Variants in FARP2 observed in about 807,000 individuals in gnomAD.
The protein encoded by FARP2 is FERM, ARHGEF and pleckstrin domain-containing protein 2.
In FARP2, 111 loss-of-function variants were observed where a neutral mutation model predicts 130.5. That is an observed-to-expected ratio of 0.85 (90% CI 0.73 to 1.00). The LOEUF is 1.00. FARP2 is among the 50% of genes least tolerant of loss of function. The pLI, the probability that FARP2 is intolerant of heterozygous loss-of-function variation, is 0.00. For missense variants in FARP2, 1,385 were observed against 1,346.3 expected (o/e 1.03, Z -0.45); for synonymous variants, 504 against 516.9 (o/e 0.98, Z 0.34).
At chr2:241,471,795 G>A (rs4378801) in intron 18 of FARP2, among the ~76,000 whole-genome samples, 5,082 of 151,944 alleles carry the variant, frequency 0.033, 500 homozygotes, top group Admixed American at 0.19. Flanking sequence ...GCGCCCAGCC[G>A]GGGTTGCTGT....
At chr2:241,485,384 T>G (rs1238166197) in intron 21 of FARP2, among the ~76,000 whole-genome samples, 2 of 150,896 alleles carry the variant, frequency 1.3e-5, no homozygotes, top group Non-Finnish European at 3.0e-5. Context: ...TCTGGCATCT[T>G]CCCTCCCTGT....
intron 2 of FARP2, among the ~76,000 whole-genome samples, chr2:241,392,552 A>G (rs1015245664): frequency 1.3e-5 from 2 of 152,172 alleles, no homozygotes; most frequent in African/African-American, 4.8e-5. Flanking sequence ...CATGGTAGAG[A>G]TGATTTATCT....
At chr2:241,380,387 G>A (rs2061633684) in intron 2 of FARP2, among the ~76,000 whole-genome samples, 1 of 152,118 alleles carries the variant, frequency 6.6e-6, no homozygotes, top group Non-Finnish European at 1.5e-5. Context: ...TCGTGCCCAT[G>A]TAACTCCCCC....
chr2:241,480,557 T>C (rs1159431590), intron 19 of FARP2, among the ~76,000 whole-genome samples: 2 of 152,012 alleles, frequency 1.3e-5, no homozygotes, highest in African/African-American at 4.8e-5. Context: ...TTTAAAGATA[T>C]TAAGACAATT....
At chr2:241,396,267 G>A (rs1456831753) in intron 2 of FARP2, among the ~76,000 whole-genome samples, 1 of 152,146 alleles carries the variant, frequency 6.6e-6, no homozygotes, top group Admixed American at 6.6e-5. Context: ...TCAGGACATA[G>A]GCATGGGCAA....
At position 241,411,056 on chromosome 2, in the gene FARP2, A is replaced by T; in HGVS notation, c.434A>T (p.Lys145Met). 1 of 1,611,370 alleles carries T rather than the reference A, an allele frequency of 6.2e-7. No homozygotes were observed. ...YTRYLFALQL[K>M]RDLLEERLTC... ...AGATACTTGTTTGCCTTGCAACTTA[A>T]GAGAGACCTGCTGGAAGAGCGTTTG... Residue 145 changes from lysine to methionine, a missense_variant, in exon 6 of 27, where the codon AAG (lysine) becomes ATG (methionine). Coordinates refer to ENST00000264042, the MANE Select transcript of FARP2 (RefSeq NM_014808.4).
At chr2:241,362,845 A>C (rs866577365) in intron 1 of FARP2, among the ~76,000 whole-genome samples, 1 of 152,138 alleles carries the variant, frequency 6.6e-6, no homozygotes, top group Admixed American at 6.6e-5. Context: ...AAATACAGAA[A>C]ATTAGGAAGA....
chr2:241,361,027 A>C (rs2061173461), intron 1 of FARP2, among the ~76,000 whole-genome samples: 1 of 140,788 alleles, frequency 7.1e-6, no homozygotes, highest in Non-Finnish European at 1.6e-5. Flanking sequence ...CATTCAAAAA[A>C]GAAAAAAAAA....
chr2:241,488,511 G>C (rs1019884715), intron 21 of FARP2: 1 of 150,922 alleles, frequency 6.6e-6, no homozygotes, highest in Non-Finnish European at 1.5e-5. Context: ...CCGCCTCCTG[G>C]GTTCACACCA....
At chr2:241,434,696 AC>A (rs959398818) in intron 10 of FARP2, among the ~76,000 whole-genome samples, 2 of 152,152 alleles carry the variant, frequency 1.3e-5, no homozygotes, top group African/African-American at 4.8e-5. Context: ...TACTAAAAAT[AC>A]AAAAATTAGC....
intron 18 of FARP2, among the ~76,000 whole-genome samples, chr2:241,473,151 CTCTGTTCTGTGGGGGAT>C (rs967541557): frequency 2.6e-5 from 4 of 151,324 alleles, no homozygotes; most frequent in Non-Finnish European, 5.9e-5. Context: ...TCTGAGGGGA[CTCTGTTCTGTGGGGGAT>C]TCTGTTCTGT....
Position 241,491,638 on chromosome 2 carries a change from A to G in FARP2, c.2746A>G (p.Asn916Asp). 6.2e-7 allele frequency: 1 copy of G among 1,613,170 alleles called. No homozygotes were observed. Reference protein sequence around the residue: ...NTTMHVCWYRNTSVSRADHSA... With the variant: ...NTTMHVCWYRDTSVSRADHSA... ...CACAATGCACGTGTGCTGGTACCGG[A>G]ACACCAGCGTGTCCAGGGCAGACCA... Residue 916 changes from asparagine to aspartate, a missense_variant, in exon 24 of 27, where the codon AAC becomes GAC. Transcript: ENST00000264042.
intron 13 of FARP2, among the ~76,000 whole-genome samples, chr2:241,453,539 A>G (rs189211476): frequency 1.7e-3 from 260 of 151,352 alleles, no homozygotes; most frequent in Middle Eastern, 3.4e-3. Flanking sequence ...GGAGAATGGC[A>G]TGAACCTGGG....
In FARP2 at chr2:241,448,283, A is replaced by C. The variant is rs142519410; in HGVS notation, c.1411+6727A>C. 5.3e-3 allele frequency among the ~76,000 whole-genome samples: 813 copies of C among 152,346 alleles called. 13 individuals carry two copies. The highest frequency in any genetic ancestry group is 0.018 in the African/African-American group (760 of 41,582). ...ATCCGCTGCCTAAGGATGAAGTGGGAGGCACCTGGGTGCCTAAATCCTGAT... is the reference window on the plus strand; with the variant it reads ...ATCCGCTGCCTAAGGATGAAGTGGGCGGCACCTGGGTGCCTAAATCCTGAT... On this transcript the variant is annotated intron_variant, in intron 13 of 26. Transcript: ENST00000264042.
At position 241,492,963 on chromosome 2, in the gene FARP2, A is replaced by G. The variant is rs1435831213; in HGVS notation, c.2822A>G (p.Lys941Arg). 8 of 1,612,952 alleles carry G rather than the reference A, an allele frequency of 5.0e-6. No homozygotes were observed. Among genetic ancestry groups the G allele is most frequent in the Non-Finnish European group, 5.1e-6 (6 of 1,179,016 alleles). Residue 941 changes from lysine (K) to arginine (R), a missense_variant, in exon 25 of 27, where the codon AAA becomes AGA. By Grantham distance (26) the Lys-to-Arg change is conservative (BLOSUM62 2). Transcript: ENST00000264042. ...QLSGYLLRKFKNSHGWQKLWV... is the reference protein window; with the variant it reads ...QLSGYLLRKFRNSHGWQKLWV... Reference sequence around the variant, plus strand: ...TCAGGATATCTGCTAAGAAAGTTCAAAAACAGTCATGGCTGGCAGAAGCTC... The same window carrying G: ...TCAGGATATCTGCTAAGAAAGTTCAGAAACAGTCATGGCTGGCAGAAGCTC...
chr2:241,398,894 T>C (rs1428854843), intron 2 of FARP2, among the ~76,000 whole-genome samples: 1 of 152,156 alleles, frequency 6.6e-6, no homozygotes, highest in Non-Finnish European at 1.5e-5. Flanking sequence ...TGTCTTTAGG[T>C]CTCTATAAAC....
At chr2:241,481,085 C>A in intron 19 of FARP2, among the ~76,000 whole-genome samples, 1 of 147,640 alleles carries the variant, frequency 6.8e-6, no homozygotes. Context: ...AAAAAAATTC[C>A]TGGCATGGTG....
chr2:241,477,829 A>G (rs1463319879), intron 19 of FARP2: 1 of 152,530 alleles, frequency 6.6e-6, no homozygotes, highest in African/African-American at 2.4e-5. Context: ...GCATCTTTTC[A>G]TGTGCTTATT....
At chr2:241,472,141 C>T (rs76785729) in intron 18 of FARP2, among the ~76,000 whole-genome samples, 3,597 of 142,276 alleles carry the variant, frequency 0.025, 128 homozygotes, top group Admixed American at 0.17. Context: ...TTTGAGGGGA[C>T]CCTGTTCTGA....
Sources: allele counts gnomAD v4.1 joint callset (sites outside exome capture counted in the v4.1 genomes callset), GRCh38; gene constraint gnomAD v4.1.1; transcripts MANE v1.5; gene names NCBI Gene and HGNC (gene_info 2026-07-23, HGNC 2026-07-21).